The following CUX1 variants were observed in gnomAD, a reference collection of about 807,000 sequenced individuals.
The protein encoded by CUX1 is cut like homeobox 1.
A neutral mutation model predicts 158.8 loss-of-function variants in CUX1; 31 were observed. That is an observed-to-expected ratio of 0.20 (90% CI 0.15 to 0.26). CUX1 has a LOEUF of 0.26. Ranked by LOEUF, CUX1 falls within the 10% of genes least tolerant of loss-of-function variation. The pLI, the probability that CUX1 is intolerant of heterozygous loss-of-function variation, is 1.00. For missense variants in CUX1, 1,589 were observed against 2,014.6 expected (o/e 0.79, Z 4.04); for synonymous variants, 879 against 862.1 (o/e 1.02, Z -0.34).
Position 102,253,307 on chromosome 7 carries a change from C to T in CUX1, c.*4265C>T. The T allele has an allele frequency of 2.0e-6, 2 of 985,584 alleles. No homozygotes were observed. Among genetic ancestry groups the T allele is most frequent in the Non-Finnish European group, 2.4e-6 (2 of 830,046 alleles). The allele number at this position is 985,584 out of a possible 1,614,324, so 61.1% of individuals were successfully genotyped here. On this transcript the variant is annotated 3_prime_UTR_variant, in exon 24 of 24. Coordinates refer to ENST00000292535, the MANE Select transcript of CUX1 (RefSeq NM_181552.4). ...CTCCCTCCTTGGCCAGGGCCAGCAT[C>T]AGGCGTGCAGCTCATGACCAGTTTA... is the stretch of plus-strand genomic sequence containing the variant.
chr7:102,111,431 T>C (rs1458677750), intron 6 of CUX1, among the ~76,000 whole-genome samples: 1 of 152,152 alleles, frequency 6.6e-6, no homozygotes, highest in African/African-American at 2.4e-5. Context: ...AAGAACAAAT[T>C]ACATTTAGGA....
At chr7:101,892,313 T>A (rs769582883) in intron 1 of CUX1, among the ~76,000 whole-genome samples, 2 of 152,244 alleles carry the variant, frequency 1.3e-5, no homozygotes, top group Non-Finnish European at 2.9e-5. Flanking sequence ...CGGCTGTTAG[T>A]TGGCATCAAG....
At chr7:102,126,191 G>T (rs939743795) in intron 8 of CUX1, among the ~76,000 whole-genome samples, 1 of 150,644 alleles carries the variant, frequency 6.6e-6, no homozygotes, top group Non-Finnish European at 1.5e-5. Flanking sequence ...GTGTGTGTGT[G>T]TGTGTGTGTG....
chr7:102,044,564 T>C (rs1309973661), intron 3 of CUX1, among the ~76,000 whole-genome samples: 1 of 152,164 alleles, frequency 6.6e-6, no homozygotes, highest in African/African-American at 2.4e-5. Context: ...TCCAGCCTGC[T>C]CTTAAGATTG....
At chr7:102,030,221 A>G (rs953557227) in intron 3 of CUX1, among the ~76,000 whole-genome samples, 10 of 152,164 alleles carry the variant, frequency 6.6e-5, no homozygotes, top group African/African-American at 2.4e-4. Context: ...CATACTGGTC[A>G]GGCTGGTCTC....
chr7:102,258,831 G>A (rs1305801184), downstream of CUX1, among the ~76,000 whole-genome samples: 1 of 152,242 alleles, frequency 6.6e-6, no homozygotes, highest in Non-Finnish European at 1.5e-5. Flanking sequence ...ATGCTTGCGA[G>A]TGGGACAGTG....
intron 1 of CUX1, among the ~76,000 whole-genome samples, chr7:101,898,965 TGCA>T (rs757150740): frequency 1.3e-5 from 2 of 152,154 alleles, no homozygotes; most frequent in African/African-American, 2.4e-5. Context: ...TGCACATAGG[TGCA>T]GCATCCCAGA....
At chr7:102,259,762 GA>G (rs782571263), downstream of CUX1, among the ~76,000 whole-genome samples, 8 of 86,046 alleles carry the variant, frequency 9.3e-5, no homozygotes, top group African/African-American at 3.0e-4. Flanking sequence ...AAAAAAGAAA[GA>G]AAAGAGAAAG....
chr7:102,113,870 TA>T (rs1382760175), intron 7 of CUX1, among the ~76,000 whole-genome samples: 1 of 151,942 alleles, frequency 6.6e-6, no homozygotes, highest in Non-Finnish European at 1.5e-5. Flanking sequence ...ACCTGGCCTT[TA>T]AAAAAAATAT....
chr7:102,000,212 A>C (rs1816514161), intron 2 of CUX1, among the ~76,000 whole-genome samples: 1 of 96,486 alleles, frequency 1.0e-5, no homozygotes, highest in East Asian at 1.3e-3. Context: ...GCAAAACTCT[A>C]TCTCAAAAAA....
rs782065946 is a variant in CUX1 at position 102,097,468 on chromosome 7, TACA to T, written c.378_380del (p.Asn126del). 3.7e-6 allele frequency: 6 copies of T among 1,611,144 alleles called. No homozygotes were observed. The highest frequency in any genetic ancestry group is 1.3e-5 in the African/African-American group (1 of 74,710). ...GAAACTTAGGGAAACTCTGGAAGAATACAACAAGGAATTTGCTGAAGTGAAAAA... is the reference window on the plus strand; with the variant it reads ...GAAACTTAGGGAAACTCTGGAAGAATACAAGGAATTTGCTGAAGTGAAAAA... On this transcript the variant is annotated inframe_deletion, in exon 5 of 24. Coordinates refer to ENST00000292535, the MANE Select transcript of CUX1 (RefSeq NM_181552.4).
At chr7:101,904,183 C>T (rs376236012) in intron 1 of CUX1, among the ~76,000 whole-genome samples, 5 of 151,774 alleles carry the variant, frequency 3.3e-5, no homozygotes, top group Non-Finnish European at 7.4e-5. Flanking sequence ...GCCCGTAATC[C>T]CAGCTACTCA....
chr7:101,894,604 G>A (rs1487487514), intron 1 of CUX1, among the ~76,000 whole-genome samples: 4 of 152,186 alleles, frequency 2.6e-5, no homozygotes, highest in Non-Finnish European at 5.9e-5. Context: ...GAGCCCCTGC[G>A]CCCGGCCTAT....
chr7:102,024,049 T>C (rs1819703402), intron 2 of CUX1, among the ~76,000 whole-genome samples: 1 of 152,218 alleles, frequency 6.6e-6, no homozygotes. Flanking sequence ...AATAATTGTA[T>C]CATCTCCTGT....
At chr7:102,000,678 C>T (rs1191893003) in intron 2 of CUX1, among the ~76,000 whole-genome samples, 1 of 152,164 alleles carries the variant, frequency 6.6e-6, no homozygotes, top group Non-Finnish European at 1.5e-5. Context: ...AACTGTTGCT[C>T]CCTTAGCAAG....
chr7:102,239,713 C>T, intron 23 of CUX1, 129 bp downstream of exon 23: 1 of 1,054,522 alleles, frequency 9.5e-7, no homozygotes, highest in Non-Finnish European at 1.3e-6. Flanking sequence ...GGTGATTGGT[C>T]CGTTCCTTGG....
At chr7:102,111,343 ATTC>A (rs1830858485) in intron 6 of CUX1, among the ~76,000 whole-genome samples, 1 of 152,196 alleles carries the variant, frequency 6.6e-6, no homozygotes, top group South Asian at 2.1e-4. Context: ...TAAATGGATC[ATTC>A]TTCTTGCGCT....
Position 102,253,952 on chromosome 7 carries a change from C to G in CUX1, c.*4910C>G. The stretch of plus-strand genomic sequence containing the variant: ...CTTCTACCTCACTAACCTGTCTTCT[C>G]CATCTGATGTCACCCAGAACCACAC... On this transcript the variant is annotated 3_prime_UTR_variant, in exon 24 of 24. Transcript: ENST00000292535. 1.0e-6 allele frequency: 1 copy of G among 985,536 alleles called. No individual in the cohort carries two copies. Among genetic ancestry groups the G allele is most frequent in the Non-Finnish European group, 1.2e-6 (1 of 829,992 alleles). The allele number at this position is 985,536 out of a possible 1,614,324, so 61.0% of individuals were successfully genotyped here.
chr7:102,260,570 C>CTTTTTTTTT (rs55642237), downstream of CUX1, among the ~76,000 whole-genome samples: 860 of 51,130 alleles, frequency 0.017, 6 homozygotes, highest in Middle Eastern at 0.042. Context: ...CCACACCTGG[C>CTTTTTTTTT]TTTTTTTTTT....
Sources: allele counts gnomAD v4.1 joint callset (sites outside exome capture counted in the v4.1 genomes callset), GRCh38; gene constraint gnomAD v4.1.1; transcripts MANE v1.5; gene names NCBI Gene and HGNC (gene_info 2026-07-23, HGNC 2026-07-21).